The following TNR variants were observed in gnomAD, a reference collection of about 807,000 sequenced individuals.
TNR encodes the protein tenascin R, also known as tenascin-R.
In TNR, 45 loss-of-function variants were observed where a neutral mutation model predicts 150.4. The observed-to-expected ratio is 0.30, with a 90% CI of 0.24 to 0.38. The LOEUF (loss-of-function observed/expected upper bound fraction) is 0.38. TNR is among the 10% of genes least tolerant of loss of function. The probability of loss-of-function intolerance (pLI) is 1.00; values close to 1 mark genes in which losing one functional copy is unlikely to be tolerated. For missense variants in TNR, 1,544 were observed against 1,759.1 expected (o/e 0.88, Z 2.19); for synonymous variants, 687 against 678.4 (o/e 1.01, Z -0.20).
chr1:175,444,724 A>AATTTGTAATTGTAATTGT (rs1354345870), intron 2 of TNR, among the ~76,000 whole-genome samples: 1 of 152,186 alleles, frequency 6.6e-6, no homozygotes, highest in Non-Finnish European at 1.5e-5. Flanking sequence ...AGACAACTCT[A>AATTTGTAATTGTAATTGT]AATTGTAATT....
At chr1:175,511,052 A>G (rs2102159204) in intron 2 of TNR, among the ~76,000 whole-genome samples, 1 of 152,314 alleles carries the variant, frequency 6.6e-6, no homozygotes, top group East Asian at 1.9e-4. Context: ...TTGTTACACA[A>G]CTTCCTGCCC....
At chr1:175,605,278 A>G (rs1423154496) in intron 1 of TNR, among the ~76,000 whole-genome samples, 2 of 152,138 alleles carry the variant, frequency 1.3e-5, no homozygotes, top group Non-Finnish European at 2.9e-5. Flanking sequence ...CAAAAATTTC[A>G]ATTTTCTTAT....
At chr1:175,580,152 G>A (rs973706966) in intron 1 of TNR, among the ~76,000 whole-genome samples, 3 of 152,162 alleles carry the variant, frequency 2.0e-5, no homozygotes, top group South Asian at 2.1e-4. Context: ...ACAGCTTGAC[G>A]CTCTCACATG....
At chr1:175,616,914 G>T (rs1398336440) in intron 1 of TNR, among the ~76,000 whole-genome samples, 1 of 152,176 alleles carries the variant, frequency 6.6e-6, no homozygotes, top group East Asian at 1.9e-4. Context: ...GGTTGAAAAA[G>T]ATAATTTCGA....
intron 2 of TNR, among the ~76,000 whole-genome samples, chr1:175,489,335 C>T (rs952843747): frequency 1.3e-5 from 2 of 152,208 alleles, no homozygotes; most frequent in Admixed American, 6.5e-5. Context: ...AAGACTGTTC[C>T]ACTCCACAGA....
chr1:175,396,635 C>T lies in TNR; in HGVS notation c.1149G>A (p.Thr383=), dbSNP rs549257371. The change falls in exon 5 of 23, where the codon ACG becomes ACA. Residue 383 remains threonine, a synonymous_variant. Coordinates refer to ENST00000367674, the MANE Select transcript of TNR (RefSeq NM_003285.3). ...VPGDWSGVTI[T]ELEPGLTYNI... is the part of the protein sequence containing the mutation. Reference sequence around the variant, plus strand: ...TGTAGGTGAGACCTGGCTCCAGCTCCGTGATGGTGACACCACTCCAATCTC... The same window carrying T: ...TGTAGGTGAGACCTGGCTCCAGCTCTGTGATGGTGACACCACTCCAATCTC... The T allele has an allele frequency of 1.5e-5, 24 of 1,614,130 alleles. No homozygotes were observed. The highest frequency in any genetic ancestry group is 6.6e-5 in the South Asian group (6 of 91,090).
intron 9 of TNR, among the ~76,000 whole-genome samples, chr1:175,368,608 C>G (rs1038798382): frequency 6.6e-6 from 1 of 152,180 alleles, no homozygotes; most frequent in Non-Finnish European, 1.5e-5. Flanking sequence ...TCATCTATTA[C>G]AACTGGCATC....
Position 175,379,619 on chromosome 1 carries a change from C to A in TNR, c.1896G>T (p.Ala632=), listed in dbSNP as rs763935322. 1 of 1,614,160 alleles carries A rather than the reference C, an allele frequency of 6.2e-7. No individual in the cohort carries two copies. The highest frequency in any genetic ancestry group is 1.1e-5 in the South Asian group (1 of 91,080). ...QEYKVVYSTL[A]GEQYHEVLVP... is the part of the protein sequence containing the mutation. ...CCAGTACCTCATGATATTGCTCACC[C>A]GCCAGGGTGCTGTACACAACCTTGT... is the stretch of plus-strand genomic sequence containing the variant. The change falls in exon 9 of 23, where the codon GCG becomes GCT. Residue 632 remains alanine, a synonymous_variant. Transcript: ENST00000367674.
At chr1:175,721,713 C>A (rs561637638) in intron 1 of TNR, among the ~76,000 whole-genome samples, 1 of 152,234 alleles carries the variant, frequency 6.6e-6, no homozygotes, top group East Asian at 1.9e-4. Flanking sequence ...CTTGTCTTTT[C>A]TCCCTAGCTC....
chr1:175,372,591 G>A (rs1652158041), intron 9 of TNR, among the ~76,000 whole-genome samples: 1 of 152,238 alleles, frequency 6.6e-6, no homozygotes, highest in Admixed American at 6.5e-5. Flanking sequence ...CAAGGACTGT[G>A]GTGATAAAGG....
At chr1:175,413,212 T>C (rs1571404859) in intron 2 of TNR, among the ~76,000 whole-genome samples, 1 of 152,126 alleles carries the variant, frequency 6.6e-6, no homozygotes, top group African/African-American at 2.4e-5. Context: ...TTTTAGTAGA[T>C]ATGGGGTTTC....
intron 1 of TNR, among the ~76,000 whole-genome samples, chr1:175,544,043 G>A (rs1005815723): frequency 6.6e-6 from 1 of 152,200 alleles, no homozygotes; most frequent in Middle Eastern, 3.2e-3. Context: ...ACAGACAGCA[G>A]CAGGAATGGG....
chr1:175,345,684 G>A (rs1322719345), intron 18 of TNR, among the ~76,000 whole-genome samples: 2 of 151,840 alleles, frequency 1.3e-5, no homozygotes, highest in Non-Finnish European at 2.9e-5. Flanking sequence ...AAAAAGCTAA[G>A]GTATTTGGAG....
chr1:175,646,654 T>A (rs1664818464), intron 1 of TNR, among the ~76,000 whole-genome samples: 1 of 152,214 alleles, frequency 6.6e-6, no homozygotes, highest in Non-Finnish European at 1.5e-5. Context: ...CAGCTGTGTT[T>A]GCCTGGCTTG....
At chr1:175,326,290 C>T (rs962753106) in intron 21 of TNR, among the ~76,000 whole-genome samples, 2 of 152,108 alleles carry the variant, frequency 1.3e-5, no homozygotes, top group African/African-American at 4.8e-5. Flanking sequence ...GAAGGGGGCT[C>T]ATGCTACTTA....
intron 2 of TNR, among the ~76,000 whole-genome samples, chr1:175,425,608 G>A (rs988159917): frequency 1.3e-5 from 2 of 152,118 alleles, no homozygotes; most frequent in East Asian, 1.9e-4. Flanking sequence ...AGTGTCCTCC[G>A]AAGCTGAGAA....
At chr1:175,474,291 T>A (rs1375992154) in intron 2 of TNR, among the ~76,000 whole-genome samples, 1 of 152,140 alleles carries the variant, frequency 6.6e-6, no homozygotes, top group East Asian at 1.9e-4. Context: ...TAAGTTCAAA[T>A]GAGGCCATTA....
intron 1 of TNR, among the ~76,000 whole-genome samples, chr1:175,580,127 G>T (rs1454928832): frequency 6.6e-6 from 1 of 152,190 alleles, no homozygotes; most frequent in Admixed American, 6.5e-5. Flanking sequence ...AGGTGGCTCT[G>T]GCAGCTGATG....
chr1:175,343,948 A>T (rs572306370), intron 18 of TNR, among the ~76,000 whole-genome samples: 1 of 152,192 alleles, frequency 6.6e-6, no homozygotes, highest in Non-Finnish European at 1.5e-5. Context: ...GGCGTTTTTG[A>T]ACAACGAATT....
Sources: gnomAD v4.1 joint callset for allele counts (sites outside exome capture counted in the v4.1 genomes callset) on GRCh38, gnomAD v4.1.1 for gene constraint, MANE v1.5 for transcripts, NCBI Gene and HGNC (gene_info 2026-07-23, HGNC 2026-07-21) for gene names.